CNTNAP2: variants seen among roughly 807,000 people sequenced by gnomAD.
CNTNAP2 encodes contactin-associated protein-like 2.
Under a neutral mutation model 155.2 loss-of-function variants are expected in CNTNAP2, and 98 were observed. That is an observed-to-expected ratio of 0.63 (90% confidence interval 0.54 to 0.75). The LOEUF is 0.75. Ranked by LOEUF, CNTNAP2 falls within the 30% of genes least tolerant of loss-of-function variation. The pLI is 0.00. For synonymous variants in CNTNAP2, 651 were observed against 631.2 expected, an observed-to-expected ratio of 1.03 and a Z score of -0.47; for missense variants, 1,727 against 1,688.1, an observed-to-expected ratio of 1.02 and a Z score of -0.40.
chr7:146,776,516 T>C (rs544801877), intron 2 of CNTNAP2, among the ~76,000 whole-genome samples: 3 of 152,260 alleles, frequency 2.0e-5, no homozygotes, highest in Non-Finnish European at 4.4e-5. Flanking sequence ...GACTAAACGA[T>C]GTAGGAGCTA....
At chr7:148,367,231 A>G (rs549804044) in intron 21 of CNTNAP2, among the ~76,000 whole-genome samples, 3 of 150,580 alleles carry the variant, frequency 2.0e-5, no homozygotes, top group Non-Finnish European at 4.4e-5. Flanking sequence ...CTCTGTCTCA[A>G]AAAAAAAATA....
intron 15 of CNTNAP2, among the ~76,000 whole-genome samples, chr7:148,000,488 A>G (rs1422435588): frequency 1.3e-5 from 2 of 152,180 alleles, no homozygotes; most frequent in Non-Finnish European, 2.9e-5. Context: ...TGAAGGTCAT[A>G]TTATTACCCT....
intron 1 of CNTNAP2, among the ~76,000 whole-genome samples, chr7:146,371,958 C>CAAA (rs111816450): frequency 1.9e-5 from 2 of 107,702 alleles, no homozygotes; most frequent in African/African-American, 6.1e-5. Context: ...AACTCCATCT[C>CAAA]AAAAAAAAAA....
intron 1 of CNTNAP2, among the ~76,000 whole-genome samples, chr7:146,710,363 T>G (rs1301020097): frequency 6.6e-6 from 1 of 152,152 alleles, no homozygotes; most frequent in Non-Finnish European, 1.5e-5. Flanking sequence ...CAGAAAAGTA[T>G]AGGACAAGAG....
At chr7:146,556,068 C>A (rs1015659078) in intron 1 of CNTNAP2, among the ~76,000 whole-genome samples, 2 of 152,106 alleles carry the variant, frequency 1.3e-5, no homozygotes, top group South Asian at 4.1e-4. Flanking sequence ...TTATCAGCAA[C>A]GTTTATTGGA....
At chr7:146,349,244 G>T (rs1205958509) in intron 1 of CNTNAP2, among the ~76,000 whole-genome samples, 1 of 148,442 alleles carries the variant, frequency 6.7e-6, no homozygotes, top group Non-Finnish European at 1.5e-5. Context: ...GTAGGATGTG[G>T]GTGGGGAACG....
intron 13 of CNTNAP2, among the ~76,000 whole-genome samples, chr7:147,654,804 A>ATTTTTTTTT (rs1795500468): frequency 1.9e-5 from 2 of 104,024 alleles, no homozygotes; most frequent in African/African-American, 4.4e-5. Context: ...AGCAAAATAT[A>ATTTTTTTTT]TTTCTTTTTT....
In CNTNAP2 at chr7:148,339,974, AGTGTGTGTGTGTGTGT is replaced by A. The variant is rs10603520; in HGVS notation, c.3476-43654_3476-43639del. 1.1e-4 allele frequency among the ~76,000 whole-genome samples: 16 copies of A among 144,884 alleles called. No homozygotes were observed. The South Asian group carries it at 1.6e-3, about 15-fold the overall frequency. On this transcript the variant is annotated intron_variant, in intron 21 of 23. Transcript: ENST00000361727. The stretch of plus-strand genomic sequence containing the variant: ...AGAATCTGAGAGTGCTCCTTCGTGC[AGTGTGTGTGTGTGTGT>A]GTGTGTGTGTGTGTGTGTGTAGGCA...
At chr7:146,940,322 T>C (rs947293041) in intron 3 of CNTNAP2, among the ~76,000 whole-genome samples, 1 of 151,774 alleles carries the variant, frequency 6.6e-6, no homozygotes, top group African/African-American at 2.4e-5. Flanking sequence ...TCAGCCTCCC[T>C]AGTAGCTGGG....
At chr7:147,582,740 T>C (rs898489474) in intron 12 of CNTNAP2, among the ~76,000 whole-genome samples, 7 of 152,150 alleles carry the variant, frequency 4.6e-5, no homozygotes, top group Non-Finnish European at 7.4e-5. Flanking sequence ...TTCCTATTTT[T>C]CCTCGTATGA....
chr7:146,793,122 T>A (rs1041672440), intron 2 of CNTNAP2, among the ~76,000 whole-genome samples: 2 of 152,210 alleles, frequency 1.3e-5, no homozygotes, highest in Admixed American at 6.5e-5. Context: ...ACTAAATTTT[T>A]AAAATCTGGT....
At chr7:147,414,447 A>T (rs67813391) in intron 10 of CNTNAP2, among the ~76,000 whole-genome samples, 1 of 143,466 alleles carries the variant, frequency 7.0e-6, no homozygotes, top group Non-Finnish European at 1.6e-5. Flanking sequence ...AAAAAAAAAA[A>T]AAAAGGATGC....
At chr7:147,911,566 A>T (rs912717840) in intron 14 of CNTNAP2, among the ~76,000 whole-genome samples, 3 of 152,152 alleles carry the variant, frequency 2.0e-5, no homozygotes, top group African/African-American at 7.2e-5. Flanking sequence ...ACATAACCAC[A>T]TTTCTCTCAA....
chr7:148,343,476 C>T (rs1230314646), intron 21 of CNTNAP2, among the ~76,000 whole-genome samples: 2 of 152,210 alleles, frequency 1.3e-5, no homozygotes, highest in African/African-American at 4.8e-5. Flanking sequence ...TGTCCACCTT[C>T]CTTTCTTCGA....
intron 2 of CNTNAP2, chr7:146,782,097 G>C (rs1276878637): frequency 1.3e-5 from 2 of 152,124 alleles, no homozygotes; most frequent in African/African-American, 4.8e-5. Flanking sequence ...GTTCCCAATT[G>C]ATGAGATTCT....
chr7:147,181,205 C>A (rs1040087525), intron 8 of CNTNAP2, among the ~76,000 whole-genome samples: 1 of 152,052 alleles, frequency 6.6e-6, no homozygotes, highest in Non-Finnish European at 1.5e-5. Context: ...GGGGGGACAG[C>A]AGGTGGCCCA....
Position 146,850,079 on chromosome 7 carries a change from T to A in CNTNAP2, c.402+10175T>A, listed in dbSNP as rs188640702. On this transcript the variant is annotated intron_variant, in intron 3 of 23. Transcript: ENST00000361727. ...AAAATGTCTTGGCAAATAAATTTGG[T>A]TTGCTTGAGTTAAATAGCTTAATTA... is the stretch of plus-strand genomic sequence containing the variant. 1.6e-4 allele frequency among the ~76,000 whole-genome samples: 25 copies of A among 152,156 alleles called. 1 individual carries two copies. Among genetic ancestry groups the A allele is most frequent in the African/African-American group, 5.3e-4 (22 of 41,432 alleles).
At chr7:146,488,303 TCCTC>T (rs1244362122) in intron 1 of CNTNAP2, among the ~76,000 whole-genome samples, 13 of 89,562 alleles carry the variant, frequency 1.5e-4, no homozygotes, top group East Asian at 1.4e-3. Context: ...CTCCCTCCCT[TCCTC>T]CCTCCCTTCC....
At chr7:146,392,751 C>T (rs965086903) in intron 1 of CNTNAP2, among the ~76,000 whole-genome samples, 23 of 152,120 alleles carry the variant, frequency 1.5e-4, no homozygotes, top group African/African-American at 5.6e-4. Context: ...GGTAACGACA[C>T]TATCGACTGA....
Sources: allele counts gnomAD v4.1 joint callset (sites outside exome capture counted in the v4.1 genomes callset), GRCh38; gene constraint gnomAD v4.1.1; transcripts MANE v1.5; gene names NCBI Gene and HGNC (gene_info 2026-07-23, HGNC 2026-07-21).